Variants in UBXN10 observed in about 807,000 individuals in gnomAD.
UBXN10 encodes UBX domain-containing protein 10.
Under a neutral mutation model 6.9 loss-of-function variants are expected in UBXN10, and 6 were observed. The ratio of observed to expected loss-of-function variants is 0.87; its 90% CI spans 0.48 to 1.72. UBXN10 has a LOEUF of 1.72. Among genes scored for constraint, UBXN10 ranks in the 40% most tolerant of loss-of-function variants. The pLI is 0.01. For missense variants in UBXN10, 317 were observed against 348.4 expected, an observed-to-expected ratio of 0.91 and a Z score of 0.72; for synonymous variants, 131 against 135.2, an observed-to-expected ratio of 0.97 and a Z score of 0.21.
rs894390852 is a variant in UBXN10 at position 20,187,769 on chromosome 1, A to G, written c.-16+1616A>G. Among the ~76,000 whole-genome samples the G allele has an allele frequency of 1.3e-5, 2 of 152,236 alleles. No individual in the cohort carries two copies. The highest frequency in any genetic ancestry group is 2.9e-5 in the Non-Finnish European group (2 of 68,038). Reference sequence around the variant, plus strand: ...TGACACCCCCTGAACATGGATAATTATATGGAACCAAAAGGTATAGAAAGT... The same window carrying G: ...TGACACCCCCTGAACATGGATAATTGTATGGAACCAAAAGGTATAGAAAGT... On this transcript the variant is annotated intron_variant, in intron 1 of 1. Transcript: ENST00000375099. This position sits in a 1 kb window ranked among gnomAD's most constrained non-coding sequence, Gnocchi z 4.6.
upstream of UBXN10, among the ~76,000 whole-genome samples, chr1:20,185,171 G>A (rs1300713347): frequency 6.6e-6 from 1 of 152,084 alleles, no homozygotes; most frequent in African/African-American, 2.4e-5. Context: ...AAAGGAGGGA[G>A]AGAGAACCCA....
intron 1 of UBXN10, among the ~76,000 whole-genome samples, chr1:20,186,734 T>C (rs1347989156): frequency 6.6e-6 from 1 of 152,172 alleles, no homozygotes; most frequent in Non-Finnish European, 1.5e-5. Flanking sequence ...GATCACTTGG[T>C]GGCTTGTGGT....
intron 1 of UBXN10, among the ~76,000 whole-genome samples, chr1:20,188,281 G>A (rs1048810864): frequency 5.3e-5 from 8 of 152,242 alleles, no homozygotes; most frequent in African/African-American, 1.9e-4. Context: ...CAGACTGGGT[G>A]TGAAAGACGA....
intron 1 of UBXN10, among the ~76,000 whole-genome samples, chr1:20,188,932 CT>C (rs1455442443): frequency 6.6e-6 from 1 of 152,228 alleles, no homozygotes; most frequent in East Asian, 1.9e-4. Context: ...AATTAAGTTT[CT>C]ACCATGCACT....
chr1:20,187,344 T>C lies in UBXN10; in HGVS notation c.-16+1191T>C, dbSNP rs2018417348. On this transcript the variant is annotated intron_variant, in intron 1 of 1. Transcript: ENST00000375099. This position sits in a 1 kb window ranked among gnomAD's most constrained non-coding sequence, Gnocchi z 4.6. ...TAGATCTTGTCAAATCGGTTTGTGGTTGAGTGGCTGCCAGGCCTAGAGGTG... is the reference window on the plus strand; with the variant it reads ...TAGATCTTGTCAAATCGGTTTGTGGCTGAGTGGCTGCCAGGCCTAGAGGTG... 1.3e-5 allele frequency among the ~76,000 whole-genome samples: 2 copies of C among 152,164 alleles called. No homozygotes were observed. The highest frequency in any genetic ancestry group is 4.8e-5 in the African/African-American group (2 of 41,438).
rs1023399350 is a variant in UBXN10, at chr1:20,194,212, A to G, written c.*2808A>G. The G allele has an allele frequency of 6.0e-6, 1 of 167,130 alleles. No homozygotes were observed. The highest frequency in any genetic ancestry group is 1.5e-5 in the Non-Finnish European group (1 of 68,132). 10.4% of individuals were successfully genotyped at this position (167,130 alleles called of 1,614,324 possible). A position where few individuals can be genotyped will look rare whatever the true frequency, so the allele number is the denominator to read the frequency against. ...TGCCCACCTTTTCTAGTGATGGAGT[A>G]GGAACTTTGCATAGGACAAACCTTC... is the stretch of plus-strand genomic sequence containing the variant. On this transcript the variant is annotated 3_prime_UTR_variant, in exon 2 of 2. Coordinates refer to ENST00000375099, the MANE Select transcript of UBXN10 (RefSeq NM_152376.5).
In UBXN10 at chr1:20,191,328, A is replaced by C; in HGVS notation, c.767A>C (p.Lys256Thr). Residue 256 changes from lysine to threonine, a missense_variant, in exon 2 of 2, where the codon AAA (lysine) becomes ACA (threonine). Lys to Thr is a moderately conservative substitution (Grantham distance 78). Transcript: ENST00000375099. This position sits in a 1 kb window ranked among gnomAD's most constrained non-coding sequence, Gnocchi z 4.5. ...AGGAGGCGATTTTCTGACCTCACCA[A>C]ATCTCTGCAAGAGTGCAGAATCCCC... is the stretch of plus-strand genomic sequence containing the variant. ...VPRRRFSDLT[K>T]SLQECRIPHK... is the part of the protein sequence containing the mutation. The C allele has an allele frequency of 6.2e-7, 1 of 1,614,006 alleles. No individual in the cohort carries two copies. The highest frequency in any genetic ancestry group is 1.1e-5 in the South Asian group (1 of 91,086).
chr1:20,184,381 A>G (rs1380634706), upstream of UBXN10: 1 of 152,272 alleles, frequency 6.6e-6, no homozygotes, highest in African/African-American at 2.4e-5. Context: ...TTAACAAGAA[A>G]TAAGCCGTCA....
At chr1:20,185,793 G>A (rs1157644540), upstream of UBXN10, among the ~76,000 whole-genome samples, 1 of 152,136 alleles carries the variant, frequency 6.6e-6, no homozygotes, top group Non-Finnish European at 1.5e-5. Flanking sequence ...GACTAGTGGT[G>A]CTGCTCCCCG....
Position 20,194,771 on chromosome 1 carries a change from TG to T in UBXN10, c.*3369del, listed in dbSNP as rs1557796256. The T allele has an allele frequency of 6.0e-6, 1 of 167,132 alleles. No homozygotes were observed. The highest frequency in any genetic ancestry group is 1.5e-5 in the Non-Finnish European group (1 of 68,130). 10.4% of individuals were successfully genotyped at this position (167,132 alleles called of 1,614,324 possible). On this transcript the variant is annotated 3_prime_UTR_variant, in exon 2 of 2. Transcript: ENST00000375099. ...AGTTCGGATAAAAGAGACTTTTACA[TG>T]GTAAGAGGATCTACTTTTCTACCTT...
At chr1:20,185,493 G>A (rs1182793283), upstream of UBXN10, among the ~76,000 whole-genome samples, 3 of 152,212 alleles carry the variant, frequency 2.0e-5, no homozygotes, top group African/African-American at 7.2e-5. Context: ...TGACTCAAGT[G>A]GCTGGAAGTG....
Position 20,190,814 on chromosome 1 carries a change from C to A in UBXN10, c.253C>A (p.Pro85Thr). The A allele has an allele frequency of 6.2e-7, 1 of 1,613,982 alleles. No individual in the cohort carries two copies. The highest frequency in any genetic ancestry group is 1.1e-5 in the South Asian group (1 of 91,078). ...PSSQKPGACA[P>T]KSPNQGASDE... ...CAGCCAAAAACCAGGAGCCTGTGCA[C>A]CCAAATCTCCAAACCAGGGAGCTTC... Residue 85 changes from proline to threonine, a missense_variant, in exon 2 of 2, where the codon CCC becomes ACC. Physicochemically the swap from Pro to Thr is conservative, Grantham distance 38. Coordinates refer to ENST00000375099, the MANE Select transcript of UBXN10 (RefSeq NM_152376.5).
At chr1:20,186,903 G>T (rs377320099) in intron 1 of UBXN10, among the ~76,000 whole-genome samples, 17 of 152,188 alleles carry the variant, frequency 1.1e-4, no homozygotes, top group East Asian at 9.7e-4. Flanking sequence ...TGTGGGTTGG[G>T]GGGGGCGGGA....
upstream of UBXN10, among the ~76,000 whole-genome samples, chr1:20,185,051 G>A (rs546613487): frequency 3.3e-5 from 5 of 152,290 alleles, no homozygotes; most frequent in South Asian, 1.0e-3. Context: ...CTACAAGGGA[G>A]GCTGAGCTGG....
chr1:20,192,604 T>G lies in UBXN10; in HGVS notation c.*1200T>G, dbSNP rs1338475852. 6.0e-6 allele frequency: 1 copy of G among 167,116 alleles called. No homozygotes were observed. The highest frequency in any genetic ancestry group is 2.4e-5 in the African/African-American group (1 of 41,456). The allele number at this position is 167,116 out of a possible 1,614,324, so 10.4% of individuals were successfully genotyped here. A position where few individuals can be genotyped will look rare whatever the true frequency, so the allele number is the denominator to read the frequency against. On this transcript the variant is annotated 3_prime_UTR_variant, in exon 2 of 2. Transcript: ENST00000375099. ...TGCAAGTTCAGCCAGACTCCATGAC[T>G]CATCTGATCCCTTTTATGGCCAAAT...
Position 20,191,068 on chromosome 1 carries a change from C to G in UBXN10, c.507C>G (p.Ala169=). ...AAGATTCCAGAGCTCGAGCTTGTGC[C>G]GTGGAGAGGAAATTCATCGTCCGAA... The part of the protein sequence containing the change: ...SEEDSRARAC[A]VERKFIVRTK... The change falls in exon 2 of 2, where the codon GCC becomes GCG. Residue 169 remains alanine, a synonymous_variant. Transcript: ENST00000375099. The surrounding 1 kb of genome is among the most constrained non-coding windows in gnomAD (Gnocchi z 4.5). 2 of 1,614,080 alleles carry G rather than the reference C, an allele frequency of 1.2e-6. No individual in the cohort carries two copies. The highest frequency in any genetic ancestry group is 1.7e-6 in the Non-Finnish European group (2 of 1,180,030).
In UBXN10 at chr1:20,195,505, T is replaced by G. The variant is rs1451113344; in HGVS notation, c.*4101T>G. 1 of 167,116 alleles carries G rather than the reference T, an allele frequency of 6.0e-6. No individual in the cohort carries two copies. The highest frequency in any genetic ancestry group is 6.5e-5 in the Admixed American group (1 of 15,292). 10.4% of individuals were successfully genotyped at this position (167,116 alleles called of 1,614,324 possible). On this transcript the variant is annotated 3_prime_UTR_variant, in exon 2 of 2. Coordinates refer to ENST00000375099, the MANE Select transcript of UBXN10 (RefSeq NM_152376.5). ...GAGAGGTGGCCAGATTCTGGACATATAATCCATTTTCTTAAGGAGAAAAAA... is the reference window on the plus strand; with the variant it reads ...GAGAGGTGGCCAGATTCTGGACATAGAATCCATTTTCTTAAGGAGAAAAAA...
At chr1:20,185,718 C>T (rs183301044), upstream of UBXN10, among the ~76,000 whole-genome samples, 1 of 152,266 alleles carries the variant, frequency 6.6e-6, no homozygotes, top group Non-Finnish European at 1.5e-5. Flanking sequence ...GTCCCACAGC[C>T]TCATTTTAAA....
chr1:20,189,608 G>A (rs1045609921), intron 1 of UBXN10, among the ~76,000 whole-genome samples: 1 of 152,146 alleles, frequency 6.6e-6, no homozygotes, highest in Non-Finnish European at 1.5e-5. Context: ...GAAGACAGAA[G>A]TCTGAACAGC....
Sources: allele counts gnomAD v4.1 joint callset (sites outside exome capture counted in the v4.1 genomes callset), GRCh38; gene constraint gnomAD v4.1.1; non-coding constraint Gnocchi (gnomAD v3.1); transcripts MANE v1.5; gene names NCBI Gene and HGNC (gene_info 2026-07-23, HGNC 2026-07-21).